Variants in STRIP1 observed in about 807,000 individuals in gnomAD.
STRIP1 encodes the protein striatin interacting protein 1.
STRIP1 carries 63 observed loss-of-function variants against 106.2 expected under a neutral mutation model. That is an observed-to-expected ratio of 0.59 (90% CI 0.48 to 0.73). The LOEUF (loss-of-function observed/expected upper bound fraction) is 0.73, where lower values mean the gene tolerates loss of function less well. Among genes scored for constraint, STRIP1 ranks in the 30% least tolerant of loss-of-function variants. The pLI is 0.00. For synonymous variants in STRIP1, 390 were observed against 413.0 expected, an observed-to-expected ratio of 0.94 and a Z score of 0.67; for missense variants, 857 against 1,074.8, an observed-to-expected ratio of 0.80 and a Z score of 2.83.
intron 8 of STRIP1, 36 bp from the exon 9 acceptor site, chr1:110,043,052 A>AT: frequency 3.2e-6 from 5 of 1,577,012 alleles, no homozygotes; most frequent in Non-Finnish European, 4.3e-6. Flanking sequence ...CTGTGGACAC[A>AT]TTGACCCTGG....
In STRIP1 at chr1:110,039,164, C is replaced by A. The variant is rs1652634345; in HGVS notation, c.326-8C>A. 1 of 1,613,704 alleles carries A rather than the reference C, an allele frequency of 6.2e-7. No homozygotes were observed. Among genetic ancestry groups the A allele is most frequent in the Non-Finnish European group, 8.5e-7 (1 of 1,179,776 alleles). On this transcript the variant is annotated splice_polypyrimidine_tract_variant and splice_region_variant and intron_variant, in intron 3 of 20. Coordinates refer to ENST00000369795, the MANE Select transcript of STRIP1 (RefSeq NM_033088.4). ...AGGCTCAGGTGTAACTGGTTTCTTG[C>A]CCTGCAGTGACAGACAAGAAGTGGA...
At chr1:110,035,040 T>A (rs1382515073) in intron 1 of STRIP1, among the ~76,000 whole-genome samples, 1 of 152,162 alleles carries the variant, frequency 6.6e-6, no homozygotes, top group East Asian at 1.9e-4. Context: ...GAGCTTCCCG[T>A]GGCCGGCGAC....
chr1:110,035,926 G>GA (rs970765033), intron 1 of STRIP1, among the ~76,000 whole-genome samples: 41 of 152,120 alleles, frequency 2.7e-4, no homozygotes, highest in South Asian at 1.5e-3. Flanking sequence ...TGAATTATTT[G>GA]AAAAAAACAA....
rs1444756275 is a variant in STRIP1, at chr1:110,041,869, C to T, written c.885+8C>T. On this transcript the variant is annotated splice_region_variant and intron_variant, in intron 8 of 20. Transcript: ENST00000369795. ...CTCTGGAAGACAGTATTGGTGAGCA[C>T]CTCCTTGGAGGAGGAGAACGGTGCT... 6 of 1,613,724 alleles carry T rather than the reference C, an allele frequency of 3.7e-6. No homozygotes were observed. Among genetic ancestry groups the T allele is most frequent in the Non-Finnish European group, 5.1e-6 (6 of 1,179,834 alleles).
intron 8 of STRIP1, 158 bp from the exon 9 acceptor site, chr1:110,042,930 C>T: frequency 1.6e-6 from 1 of 643,844 alleles, no homozygotes. Context: ...TCACGGAATT[C>T]TCCTTGGGAG....
chr1:110,039,473 G>A lies in STRIP1; in HGVS notation c.539G>A (p.Gly180Asp). The change falls in exon 5 of 21, where the codon GGC (glycine) becomes GAC (aspartate). Residue 180 changes from glycine to aspartate, a missense_variant. Physicochemically the swap from Gly to Asp is moderately conservative, Grantham distance 94. Coordinates refer to ENST00000369795, the MANE Select transcript of STRIP1 (RefSeq NM_033088.4). ...RYNIFLLLEVGTFNALVELLN... is the reference protein window; with the variant it reads ...RYNIFLLLEVDTFNALVELLN... The stretch of plus-strand genomic sequence containing the variant: ...AACATCTTTCTCCTCCTGGAGGTGG[G>A]CACGTTCAATGCTTTGGTGGAGCTT... 6.2e-7 allele frequency: 1 copy of A among 1,611,054 alleles called. No homozygotes were observed. The highest frequency in any genetic ancestry group is 8.5e-7 in the Non-Finnish European group (1 of 1,178,706).
At chr1:110,043,468 G>A (rs190918489) in intron 9 of STRIP1, among the ~76,000 whole-genome samples, 171 bp from the exon 10 acceptor site, 36 of 152,320 alleles carry the variant, frequency 2.4e-4, no homozygotes, top group Non-Finnish European at 5.1e-4. Flanking sequence ...GCTTTTGAGG[G>A]ACTGGAGCAA....
chr1:110,048,018 T>G (rs923714078), intron 15 of STRIP1, 149 bp downstream of exon 15: 14 of 672,494 alleles, frequency 2.1e-5, no homozygotes, highest in African/African-American at 2.0e-4. Context: ...ACTACGAGAT[T>G]AAAGAGTTTC....
intron 1 of STRIP1, among the ~76,000 whole-genome samples, chr1:110,035,116 C>G (rs1351554800): frequency 3.3e-5 from 5 of 152,204 alleles, no homozygotes; most frequent in Admixed American, 3.3e-4. Context: ...CTGGGGAAGC[C>G]GCTCTCGCCC....
At position 110,041,879 on chromosome 1, in the gene STRIP1, G is replaced by C. The variant is rs1014941061; in HGVS notation, c.885+18G>C. 6.2e-7 allele frequency: 1 copy of C among 1,613,278 alleles called. No homozygotes were observed. Among genetic ancestry groups the C allele is most frequent in the Non-Finnish European group, 8.5e-7 (1 of 1,179,418 alleles). ...CAGTATTGGTGAGCACCTCCTTGGA[G>C]GAGGAGAACGGTGCTATGGGATGGG... On this transcript the variant is annotated intron_variant, in intron 8 of 20. Transcript: ENST00000369795.
intron 5 of STRIP1, among the ~76,000 whole-genome samples, chr1:110,040,294 G>C (rs1052221877): frequency 6.6e-6 from 1 of 152,166 alleles, no homozygotes; most frequent in Non-Finnish European, 1.5e-5. Context: ...CTATTCTCCT[G>C]CCTCAGCCTT....
intron 15 of STRIP1, 85 bp downstream of exon 15, chr1:110,047,954 T>G: frequency 8.5e-7 from 1 of 1,177,442 alleles, no homozygotes; most frequent in African/African-American, 1.5e-5. Flanking sequence ...GGTTGGTTGT[T>G]GTTGGCCCAG....
In STRIP1 at chr1:110,040,674, C is replaced by T; in HGVS notation, c.621C>T (p.Ala207=). 1.2e-6 allele frequency: 2 copies of T among 1,612,310 alleles called. No homozygotes were observed. The highest frequency in any genetic ancestry group is 1.7e-6 in the Non-Finnish European group (2 of 1,179,286). The stretch of plus-strand genomic sequence containing the variant: ...GCAGCAGTGCTGTGAGGAAGCCTGC[C>T]ATCTCCCTGGCTGACAGCACAGACC... The part of the protein sequence containing the change: ...AACSSAVRKP[A]ISLADSTDLR... The change falls in exon 6 of 21, where the codon GCC becomes GCT. Residue 207 remains alanine, a synonymous_variant. Coordinates refer to ENST00000369795, the MANE Select transcript of STRIP1 (RefSeq NM_033088.4).
At chr1:110,034,179 CA>C (rs1652319697), upstream of STRIP1, among the ~76,000 whole-genome samples, 1 of 152,222 alleles carries the variant, frequency 6.6e-6, no homozygotes, top group African/African-American at 2.4e-5. Context: ...ACTTGTTCCT[CA>C]TTTTATCCCA....
intron 1 of STRIP1, 37 bp from the exon 2 acceptor site, chr1:110,037,854 G>A (rs778975863): frequency 3.5e-5 from 50 of 1,430,590 alleles, no homozygotes; most frequent in Non-Finnish European, 4.8e-5. Context: ...TAAATAGAAT[G>A]ATCCTTTTTC....
chr1:110,038,830 T>A (rs1652620222), intron 3 of STRIP1, 73 bp downstream of exon 3: 1 of 1,357,142 alleles, frequency 7.4e-7, no homozygotes, highest in Non-Finnish European at 1.0e-6. Context: ...TTTAGGCATC[T>A]GAATGACCTG....
In STRIP1 at chr1:110,043,171, C is replaced by G. The variant is rs1207036383; in HGVS notation, c.969C>G (p.Asp323Glu). 6.2e-7 allele frequency: 1 copy of G among 1,614,096 alleles called. No individual in the cohort carries two copies. The highest frequency in any genetic ancestry group is 8.5e-7 in the Non-Finnish European group (1 of 1,180,042). ...TGGGCCTCCCCCCGCTTCCTGAGGA[C>G]AGCATCAAAGTGATTCGCAACATGA... is the stretch of plus-strand genomic sequence containing the variant. ...SILGLPPLPE[D>E]SIKVIRNMRA... The change falls in exon 9 of 21, where the codon GAC becomes GAG. Residue 323 changes from aspartate (D) to glutamate (E), a missense_variant. By Grantham distance (45) the Asp-to-Glu change is conservative. This residue lies in a region of STRIP1 where 750 missense variants were observed against 989.8 expected (regional missense o/e 0.76). Transcript: ENST00000369795.
chr1:110,045,655 G>A (rs1230104576), intron 12 of STRIP1, among the ~76,000 whole-genome samples: 1 of 152,126 alleles, frequency 6.6e-6, no homozygotes, highest in Non-Finnish European at 1.5e-5. Context: ...TGGAGAATGA[G>A]GCTTAAGAAC....
chr1:110,047,855 G>A lies in STRIP1; in HGVS notation c.1647G>A (p.Leu549=). Residue 549 remains leucine (L), a synonymous_variant, in exon 15 of 21, where the codon TTG becomes TTA. Transcript: ENST00000369795. ...TDSINILADV[L]PEEMPTTVLQ... ...CAATCAACATCCTAGCGGACGTCTT[G>A]CCTGAGGAGATGCCGTGAGTATCAT... 1.3e-6 allele frequency: 2 copies of A among 1,560,608 alleles called. No individual in the cohort carries two copies. The highest frequency in any genetic ancestry group is 1.2e-5 in the South Asian group (1 of 84,688).
Sources: allele counts gnomAD v4.1 joint callset (sites outside exome capture counted in the v4.1 genomes callset), GRCh38; gene constraint gnomAD v4.1.1; regional missense constraint gnomAD v4.1.1; transcripts MANE v1.5; gene names NCBI Gene and HGNC (gene_info 2026-07-23, HGNC 2026-07-21).